SGCZ: variants seen among roughly 807,000 people sequenced by gnomAD.
SGCZ encodes zeta-sarcoglycan.
SGCZ carries 40 observed loss-of-function variants against 41.3 expected under a neutral mutation model. That is an observed-to-expected ratio of 0.97 (90% CI 0.75 to 1.26). The LOEUF is 1.26. SGCZ is among the 50% of genes most tolerant of loss of function. The pLI, the probability that SGCZ is intolerant of heterozygous loss-of-function variation, is 0.00. For synonymous variants in SGCZ, 206 were observed against 137.5 expected (o/e 1.50, Z -3.49); for missense variants, 552 against 369.8 (o/e 1.49, Z -4.04).
chr8:14,439,954 C>T (rs887104688), intron 2 of SGCZ, among the ~76,000 whole-genome samples: 8 of 151,494 alleles, frequency 5.3e-5, no homozygotes, highest in African/African-American at 7.3e-5. Context: ...ATTTGGTTCA[C>T]GGACTTCTTG....
chr8:15,148,531 A>G (rs1799094587), intron 1 of SGCZ, among the ~76,000 whole-genome samples: 1 of 152,212 alleles, frequency 6.6e-6, no homozygotes, highest in African/African-American at 2.4e-5. Flanking sequence ...TAGGAATTGC[A>G]AGGCCATTTG....
At chr8:14,262,176 T>C (rs985487644) in intron 3 of SGCZ, among the ~76,000 whole-genome samples, 2 of 152,282 alleles carry the variant, frequency 1.3e-5, no homozygotes, top group South Asian at 4.1e-4. Flanking sequence ...ACTTCAGTTC[T>C]CCAAGTAAAA....
Position 14,630,903 on chromosome 8 carries a change from G to A in SGCZ, c.40-75977C>T, listed in dbSNP as rs560313780. Among the ~76,000 whole-genome samples the A allele has an allele frequency of 1.6e-3, 242 of 151,392 alleles. 4 individuals are homozygous for A. Among genetic ancestry groups the A allele is most frequent in the Non-Finnish European group, 2.8e-3 (193 of 67,876 alleles). On this transcript the variant is annotated intron_variant, in intron 1 of 7. Coordinates refer to ENST00000382080, the MANE Select transcript of SGCZ (RefSeq NM_139167.4). Reference sequence around the variant, plus strand: ...GGGGGAGGGGAGAGGGATAGCATTAGGAGATATACCTAATGTAAATGACGA... The same window carrying A: ...GGGGGAGGGGAGAGGGATAGCATTAAGAGATATACCTAATGTAAATGACGA...
intron 4 of SGCZ, among the ~76,000 whole-genome samples, chr8:14,202,252 G>C (rs1200426784): frequency 6.6e-6 from 1 of 152,096 alleles, no homozygotes; most frequent in African/African-American, 2.4e-5. Context: ...ACGGGCCAAG[G>C]GGTAAAGATA....
chr8:15,123,761 A>G (rs1053421943), intron 1 of SGCZ, among the ~76,000 whole-genome samples: 1 of 152,242 alleles, frequency 6.6e-6, no homozygotes, highest in Non-Finnish European at 1.5e-5. Flanking sequence ...AGGAATAAAT[A>G]GGAAACATAA....
chr8:15,061,676 AC>A (rs78413074), intron 1 of SGCZ, among the ~76,000 whole-genome samples: 11,638 of 151,968 alleles, frequency 0.077, 681 homozygotes, highest in East Asian at 0.29. Context: ...ATACCATTTC[AC>A]CCCTTCTGCC....
At chr8:14,589,340 C>A (rs1805167044) in intron 1 of SGCZ, among the ~76,000 whole-genome samples, 4 of 68,890 alleles carry the variant, frequency 5.8e-5, no homozygotes, top group African/African-American at 1.0e-4. Flanking sequence ...AGTGAGACTC[C>A]ATCTCAAAAA....
chr8:14,098,090 A>G (rs1186366885), intron 7 of SGCZ, among the ~76,000 whole-genome samples: 2 of 152,212 alleles, frequency 1.3e-5, no homozygotes. Flanking sequence ...TTAACCCTGT[A>G]GATACACCTT....
At chr8:15,146,879 G>A (rs1190245562) in intron 1 of SGCZ, among the ~76,000 whole-genome samples, 8 of 152,092 alleles carry the variant, frequency 5.3e-5, no homozygotes, top group South Asian at 2.1e-4. Flanking sequence ...ATAAAATTAT[G>A]TTAATACTGT....
chr8:14,359,429 T>G (rs1402682653), intron 2 of SGCZ, among the ~76,000 whole-genome samples: 3 of 152,018 alleles, frequency 2.0e-5, no homozygotes, highest in Admixed American at 6.6e-5. Context: ...GAATATACAT[T>G]CTTCTTCTCG....
chr8:15,058,515 T>A (rs1804797814), intron 1 of SGCZ, among the ~76,000 whole-genome samples: 1 of 152,224 alleles, frequency 6.6e-6, no homozygotes, highest in African/African-American at 2.4e-5. Context: ...TTAAAAATCT[T>A]AATTTTCCAT....
intron 1 of SGCZ, among the ~76,000 whole-genome samples, chr8:15,051,479 C>T (rs73665376): frequency 0.038 from 5,798 of 152,134 alleles, 357 homozygotes; most frequent in African/African-American, 0.13. Context: ...GAGCTTTTCT[C>T]ATACATCTCT....
chr8:15,015,644 C>T (rs370579820), intron 1 of SGCZ, among the ~76,000 whole-genome samples: 8 of 143,326 alleles, frequency 5.6e-5, no homozygotes, highest in South Asian at 2.2e-4. Context: ...GCCGAAATCA[C>T]GCCACTGCAC....
chr8:14,141,301 G>A (rs1303419421), intron 5 of SGCZ, among the ~76,000 whole-genome samples: 1 of 152,122 alleles, frequency 6.6e-6, no homozygotes, highest in East Asian at 1.9e-4. Context: ...CACAACAAGA[G>A]CCAAAATAGA....
At chr8:14,637,396 T>G (rs1038128989) in intron 1 of SGCZ, among the ~76,000 whole-genome samples, 1 of 151,716 alleles carries the variant, frequency 6.6e-6, no homozygotes, top group Admixed American at 6.6e-5. Flanking sequence ...ATGCTGCGGT[T>G]TGGAGCATGG....
chr8:14,648,578 A>G (rs1563178029), intron 1 of SGCZ, among the ~76,000 whole-genome samples: 1 of 152,124 alleles, frequency 6.6e-6, no homozygotes, highest in Non-Finnish European at 1.5e-5. Flanking sequence ...CAGCACTGGG[A>G]AATGTTTGTC....
intron 1 of SGCZ, among the ~76,000 whole-genome samples, chr8:14,676,358 G>GTGTGTC (rs1450385309): frequency 6.6e-6 from 1 of 151,918 alleles, no homozygotes; most frequent in African/African-American, 2.4e-5. Context: ...GTGTGTGTGT[G>GTGTGTC]TGTGTGTGTG....
intron 1 of SGCZ, among the ~76,000 whole-genome samples, chr8:15,226,036 G>C (rs1254275283): frequency 6.6e-6 from 1 of 152,156 alleles, no homozygotes; most frequent in Non-Finnish European, 1.5e-5. Flanking sequence ...TCTACTGAAA[G>C]ACTAAGATAA....
chr8:14,386,833 T>C (rs1281295865), intron 2 of SGCZ, among the ~76,000 whole-genome samples: 5 of 152,230 alleles, frequency 3.3e-5, no homozygotes, highest in Admixed American at 2.6e-4. Flanking sequence ...GTGTATATTT[T>C]AATATTAAAA....
Sources: allele counts gnomAD v4.1 joint callset (sites outside exome capture counted in the v4.1 genomes callset), GRCh38; gene constraint gnomAD v4.1.1; transcripts MANE v1.5; gene names NCBI Gene and HGNC (gene_info 2026-07-23, HGNC 2026-07-21).